Variants in SLC39A11 observed in about 807,000 individuals in gnomAD.
The protein encoded by SLC39A11 is zinc transporter ZIP11.
SLC39A11 carries 33 observed loss-of-function variants against 36.1 expected under a neutral mutation model. That is an observed-to-expected ratio of 0.91 (90% CI 0.69 to 1.22). The LOEUF (loss-of-function observed/expected upper bound fraction) is 1.22. SLC39A11 is among the 50% of genes most tolerant of loss of function. SLC39A11 has a pLI of 0.00. For synonymous variants in SLC39A11, 166 were observed against 170.3 expected (o/e 0.97, Z 0.20); for missense variants, 432 against 430.3 (o/e 1.00, Z -0.03).
intron 3 of SLC39A11, among the ~76,000 whole-genome samples, chr17:73,081,664 C>CACAT (rs1555707753): frequency 0.014 from 1,698 of 122,490 alleles, 52 homozygotes; most frequent in African/African-American, 0.046. Flanking sequence ...CACACACACA[C>CACAT]ACACACATAT....
intron 6 of SLC39A11, among the ~76,000 whole-genome samples, chr17:72,801,520 C>T (rs1568116008): frequency 6.6e-6 from 1 of 152,232 alleles, no homozygotes; most frequent in Admixed American, 6.5e-5. Context: ...AGCCACTGCG[C>T]CCAGCCGGGC....
At chr17:72,874,143 C>A (rs948172069) in intron 5 of SLC39A11, among the ~76,000 whole-genome samples, 1 of 152,186 alleles carries the variant, frequency 6.6e-6, no homozygotes, top group African/African-American at 2.4e-5. Context: ...CAACCACAGG[C>A]ACCCTTCCTT....
chr17:73,019,890 G>C (rs1366053789), intron 4 of SLC39A11, among the ~76,000 whole-genome samples: 1 of 152,062 alleles, frequency 6.6e-6, no homozygotes, highest in African/African-American at 2.4e-5. Context: ...TAAAGACTCA[G>C]GTAAAGGTAC....
At chr17:73,026,233 A>AGAGAAGAGAAGAGAAGAG (rs374840533) in intron 4 of SLC39A11, among the ~76,000 whole-genome samples, 149 of 150,362 alleles carry the variant, frequency 9.9e-4, no homozygotes, top group South Asian at 2.7e-3. Context: ...AGAGAAGAGA[A>AGAGAAGAGAAGAGAAGAG]AAGGGAAAAG....
At chr17:73,068,690 G>A (rs962597564) in intron 3 of SLC39A11, among the ~76,000 whole-genome samples, 4 of 152,066 alleles carry the variant, frequency 2.6e-5, no homozygotes, top group Admixed American at 1.3e-4. Context: ...TCAAAGGACT[G>A]CCAAGTCCTC....
At chr17:72,731,231 CCT>C (rs1412014360) in intron 7 of SLC39A11, among the ~76,000 whole-genome samples, 3 of 152,268 alleles carry the variant, frequency 2.0e-5, no homozygotes, top group South Asian at 2.1e-4. Context: ...ACAGCATTCC[CCT>C]GTCTTCAATT....
At chr17:72,659,819 T>G (rs1402619196) in intron 7 of SLC39A11, among the ~76,000 whole-genome samples, 1 of 152,060 alleles carries the variant, frequency 6.6e-6, no homozygotes, top group Non-Finnish European at 1.5e-5. Context: ...CAGGCTGGTC[T>G]CAAACTCCTG....
At chr17:72,861,950 G>T (rs1338215262) in intron 5 of SLC39A11, among the ~76,000 whole-genome samples, 1 of 150,926 alleles carries the variant, frequency 6.6e-6, no homozygotes, top group Non-Finnish European at 1.5e-5. Flanking sequence ...TGTGGTCCAT[G>T]GATTTGTCCA....
intron 7 of SLC39A11, among the ~76,000 whole-genome samples, chr17:72,680,041 CAAAAAAAAA>C (rs199650969): frequency 8.4e-5 from 6 of 71,700 alleles, no homozygotes; most frequent in African/African-American, 2.5e-4. Context: ...GACTCTGTCT[CAAAAAAAAA>C]AAAAAAAAAA....
intron 5 of SLC39A11, among the ~76,000 whole-genome samples, chr17:72,941,554 GTGT>G (rs1200472507): frequency 2.0e-5 from 1 of 49,496 alleles, no homozygotes; most frequent in African/African-American, 7.0e-5. Flanking sequence ...AATCAGGACT[GTGT>G]TTTTTTTTTT....
At chr17:73,069,100 C>G (rs1353331322) in intron 3 of SLC39A11, among the ~76,000 whole-genome samples, 1 of 152,138 alleles carries the variant, frequency 6.6e-6, no homozygotes, top group Non-Finnish European at 1.5e-5. Flanking sequence ...GTTCCCTCTG[C>G]CTGTAACGCA....
At chr17:72,794,137 T>C (rs74699554) in intron 6 of SLC39A11, among the ~76,000 whole-genome samples, 7,041 of 152,224 alleles carry the variant, frequency 0.046, 311 homozygotes, top group East Asian at 0.12. Context: ...ACCTTGGAGC[T>C]GATGGGAACG....
At chr17:72,879,800 C>T (rs1332562634) in intron 5 of SLC39A11, among the ~76,000 whole-genome samples, 1 of 152,238 alleles carries the variant, frequency 6.6e-6, no homozygotes, top group East Asian at 1.9e-4. Flanking sequence ...CCAAGAATTG[C>T]TTCAGGAATT....
At chr17:73,006,913 T>C (rs2090216014) in intron 4 of SLC39A11, among the ~76,000 whole-genome samples, 1 of 152,046 alleles carries the variant, frequency 6.6e-6, no homozygotes, top group Non-Finnish European at 1.5e-5. Flanking sequence ...GAGGATTCAA[T>C]GATGAATAAA....
chr17:72,696,925 G>C (rs1370953697), intron 7 of SLC39A11, among the ~76,000 whole-genome samples: 1 of 152,178 alleles, frequency 6.6e-6, no homozygotes, highest in East Asian at 1.9e-4. Context: ...GCGTTTTATA[G>C]ACAGAACTTA....
At chr17:73,077,322 T>G (rs2060355766) in intron 3 of SLC39A11, among the ~76,000 whole-genome samples, 1 of 152,142 alleles carries the variant, frequency 6.6e-6, no homozygotes, top group Non-Finnish European at 1.5e-5. Flanking sequence ...ACAATGTTTG[T>G]TATTGTTGTT....
At chr17:73,058,344 G>A (rs2059735459) in intron 3 of SLC39A11, among the ~76,000 whole-genome samples, 1 of 152,208 alleles carries the variant, frequency 6.6e-6, no homozygotes, top group Non-Finnish European at 1.5e-5. Context: ...TATCCGCAGA[G>A]TAAATGCGGA....
chr17:72,780,224 G>A (rs1156900741), intron 6 of SLC39A11, among the ~76,000 whole-genome samples: 1 of 152,176 alleles, frequency 6.6e-6, no homozygotes, highest in Non-Finnish European at 1.5e-5. Flanking sequence ...GAGAAACTGA[G>A]CTAGCTGAAG....
intron 4 of SLC39A11, among the ~76,000 whole-genome samples, chr17:72,982,073 T>G (rs557157202): frequency 1.5e-5 from 1 of 65,822 alleles, no homozygotes; most frequent in Non-Finnish European, 3.3e-5. Flanking sequence ...TGAGACTCCA[T>G]CTCTAAAATT....
Sources: allele counts gnomAD v4.1 joint callset (sites outside exome capture counted in the v4.1 genomes callset), GRCh38; gene constraint gnomAD v4.1.1; transcripts MANE v1.5; gene names NCBI Gene and HGNC (gene_info 2026-07-23, HGNC 2026-07-21).